The following IGSF22 variants were observed in gnomAD, a reference collection of about 807,000 sequenced individuals.
IGSF22 encodes the protein immunoglobulin superfamily, member 22.
Under a neutral mutation model 127.0 loss-of-function variants are expected in IGSF22, and 119 were observed. That is an observed-to-expected ratio of 0.94 (90% CI 0.81 to 1.09). The LOEUF is 1.09. Ranked by LOEUF, IGSF22 falls within the 50% of genes least tolerant of loss-of-function variation. The probability of loss-of-function intolerance (pLI) is 0.00; values close to 1 mark genes in which losing one functional copy is unlikely to be tolerated. For synonymous variants in IGSF22, 568 were observed against 664.7 expected (o/e 0.85, Z 2.24); for missense variants, 1,518 against 1,716.6 (o/e 0.88, Z 2.04).
At chr11:18,706,384 T>C (rs960266844) in intron 21 of IGSF22, among the ~76,000 whole-genome samples, 1 of 145,570 alleles carries the variant, frequency 6.9e-6, no homozygotes, top group Non-Finnish European at 1.5e-5. Context: ...AAACCACGCT[T>C]TCCCACACCC....
Position 18,712,184 on chromosome 11 carries a change from C to T in IGSF22, c.2296G>A (p.Val766Met). 1 of 1,551,752 alleles carries T rather than the reference C, an allele frequency of 6.4e-7. No homozygotes were observed. The highest frequency in any genetic ancestry group is 1.2e-5 in the South Asian group (1 of 84,064). ...GKVTNFSTNK[V>M]EEGKAYQFRI... The stretch of plus-strand genomic sequence containing the variant: ...AACTGGTAGGCTTTTCCCTCTTCCA[C>T]CTTGTTGGTGGAGAAGTTGGTGACT... The change falls in exon 15 of 23, where the codon GTG becomes ATG. Residue 766 changes from valine (V) to methionine (M), a missense_variant. Val to Met is a conservative substitution (Grantham distance 21). Transcript: ENST00000513874.
At chr11:18,707,432 A>G in intron 20 of IGSF22, 1 of 538,826 alleles carries the variant, frequency 1.9e-6, no homozygotes, top group Non-Finnish European at 3.2e-6. Flanking sequence ...TCAATTGCAA[A>G]ATAGAGCTGA....
intron 8 of IGSF22, 95 bp downstream of exon 8, chr11:18,718,520 G>A (rs1848503794): frequency 1.2e-6 from 1 of 812,670 alleles, no homozygotes; most frequent in Non-Finnish European, 2.2e-6. Flanking sequence ...TCCTCTTGAT[G>A]GGATGGAAGA....
At chr11:18,710,203 TG>T in intron 17 of IGSF22, 123 bp downstream of exon 17, 1 of 1,256,220 alleles carries the variant, frequency 8.0e-7, no homozygotes, top group Non-Finnish European at 1.1e-6. Flanking sequence ...TCTATGAGGC[TG>T]GCAGTTTCCA....
In IGSF22 at chr11:18,721,968, AG is replaced by A; in HGVS notation, c.182del (p.Pro61LeufsTer65). On this transcript the variant is annotated frameshift_variant, in exon 3 of 23. Transcript: ENST00000513874. LOFTEE classifies it high-confidence loss of function. ...FSLVTRSSNIPAGDSVPEFVE... is the reference protein window; with the variant it reads ...FSLVTRSSNIXAGDSVPEFVE... ...CGAACTCAGGGACGCTGTCGCCCGC[AG>A]GGATGTTTGAGCTCCGGGTCACTAA... The A allele has an allele frequency of 6.2e-7, 1 of 1,614,002 alleles. No individual in the cohort carries two copies. The highest frequency in any genetic ancestry group is 8.5e-7 in the Non-Finnish European group (1 of 1,180,032).
chr11:18,716,588 T>A lies in IGSF22; in HGVS notation c.1246+140A>T. ...AGACTAGGGGTTAACAGAGAGGAGA[T>A]CCCCCTGTCTTTCCAGTACCTACCA... On this transcript the variant is annotated intron_variant, in intron 10 of 22. Transcript: ENST00000513874. The surrounding 1 kb of genome is among the most constrained non-coding windows in gnomAD (Gnocchi z 4.5). 1.3e-6 allele frequency: 1 copy of A among 787,366 alleles called. No individual in the cohort carries two copies. The highest frequency in any genetic ancestry group is 2.0e-6 in the Non-Finnish European group (1 of 488,290). The allele number at this position is 787,366 out of a possible 1,614,324, so 48.8% of individuals were successfully genotyped here.
At chr11:18,719,221 C>T (rs772578948) in intron 7 of IGSF22, among the ~76,000 whole-genome samples, 12 of 152,130 alleles carry the variant, frequency 7.9e-5, no homozygotes, top group East Asian at 3.9e-4. Context: ...CTTGGCTCAC[C>T]GCAACCTCCA....
In IGSF22 at chr11:18,709,404, C is replaced by T. The variant is rs200170447; in HGVS notation, c.2981G>A (p.Arg994His). The change falls in exon 18 of 23, where the codon CGT (arginine) becomes CAT (histidine). Residue 994 changes from arginine (R) to histidine (H), a missense_variant. This residue lies in a region of IGSF22 where 1,456 missense variants were observed against 1,644.9 expected (regional missense o/e 0.89). Coordinates refer to ENST00000513874, the MANE Select transcript of IGSF22 (RefSeq NM_173588.4). This position sits in a 1 kb window ranked among gnomAD's most constrained non-coding sequence, Gnocchi z 4.8. ...GTCCTCACCTGGTGGTGGCATGGCA[C>T]GGACCCCCTTGTCTAGCTCCACAGG... ...GEPVELDKGV[R>H]AMPPPAAPKF... 122 of 1,613,814 alleles carry T rather than the reference C, an allele frequency of 7.6e-5. No individual in the cohort carries two copies. In the East Asian group the frequency reaches 1.6e-3, roughly 21 times the overall value.
At chr11:18,725,504 G>A (rs964740825) in intron 1 of IGSF22, among the ~76,000 whole-genome samples, 6 of 151,916 alleles carry the variant, frequency 3.9e-5, no homozygotes, top group African/African-American at 1.5e-4. Context: ...GCAGTGGCAC[G>A]ATCTTGGCCC....
In IGSF22 at chr11:18,712,819, C is replaced by A. The variant is rs150918696; in HGVS notation, c.2096-435G>T. Among the ~76,000 whole-genome samples the A allele has an allele frequency of 1.5e-3, 235 of 152,318 alleles. 1 individual carries two copies. The highest frequency in any genetic ancestry group is 5.6e-3 in the African/African-American group (232 of 41,568). On this transcript the variant is annotated intron_variant, in intron 14 of 22. Coordinates refer to ENST00000513874, the MANE Select transcript of IGSF22 (RefSeq NM_173588.4). Reference sequence around the variant, plus strand: ...TGTACACAGCAGTGAGAACACAGAGCAGGTGCTCAGTCTTGCTGCTGAATT... The same window carrying A: ...TGTACACAGCAGTGAGAACACAGAGAAGGTGCTCAGTCTTGCTGCTGAATT...
At position 18,713,921 on chromosome 11, in the gene IGSF22, C is replaced by T. The variant is rs371971697; in HGVS notation, c.2026G>A (p.Gly676Ser). ...TTCTTGAGCTTGAGCAGGATGAGGC[C>T]GCTGTCTTCACGCACACAGTTGGAG... ...TISNCVREDS[G>S]LILLKLKNDH... Residue 676 changes from glycine to serine, a missense_variant, in exon 14 of 23, where the codon GGC becomes AGC. Gly to Ser is a moderately conservative substitution (Grantham distance 56). Coordinates refer to ENST00000513874, the MANE Select transcript of IGSF22 (RefSeq NM_173588.4). 34 of 1,614,142 alleles carry T rather than the reference C, an allele frequency of 2.1e-5. No homozygotes were observed. The highest frequency in any genetic ancestry group is 1.6e-4 in the Middle Eastern group (1 of 6,084).
At position 18,714,523 on chromosome 11, in the gene IGSF22, C is replaced by G. The variant is rs778436288; in HGVS notation, c.1633G>C (p.Val545Leu). The part of the protein sequence containing the change: ...VVLNDEKVEG[V>L]WLKDGKEITD... Reference sequence around the variant, plus strand: ...ACCTCCTTGCCATCCTTCAGCCACACACCCTCCACCTTCTCGTCATTCAGC... The same window carrying G: ...ACCTCCTTGCCATCCTTCAGCCACAGACCCTCCACCTTCTCGTCATTCAGC... Residue 545 changes from valine (V) to leucine (L), a missense_variant, in exon 12 of 23, where the codon GTG becomes CTG. Coordinates refer to ENST00000513874, the MANE Select transcript of IGSF22 (RefSeq NM_173588.4). 2.1e-5 allele frequency: 34 copies of G among 1,614,106 alleles called. No individual in the cohort carries two copies. The Middle Eastern group carries it at 6.6e-4, about 31-fold the overall frequency.
intron 7 of IGSF22, among the ~76,000 whole-genome samples, 173 bp from the exon 8 acceptor site, chr11:18,718,901 A>C (rs528049769): frequency 1.3e-5 from 2 of 152,310 alleles, no homozygotes; most frequent in South Asian, 2.1e-4. Context: ...GGAGAGGAAC[A>C]TTACGGGGGA....
In IGSF22 at chr11:18,710,415, T is replaced by A. The variant is rs367725532; in HGVS notation, c.2613A>T (p.Glu871Asp). The A allele has an allele frequency of 3.1e-6, 5 of 1,614,088 alleles. No homozygotes were observed. In the Middle Eastern group the frequency reaches 6.6e-4, roughly 213 times the overall value. Residue 871 changes from glutamate (E) to aspartate (D), a missense_variant, in exon 17 of 23, where the codon GAA (glutamate) becomes GAT (aspartate). Glu to Asp is a conservative substitution (Grantham distance 45). Coordinates refer to ENST00000513874, the MANE Select transcript of IGSF22 (RefSeq NM_173588.4). ...CTVDGLLEDT[E>D]YEFRVIAVNK... ...TTACAGCTATAACTCGGAATTCATA[T>A]TCTGTGTCCTCCAGGAGACCATCCA...
Position 18,721,585 on chromosome 11 carries a change from C to A in IGSF22, c.328G>T (p.Glu110Ter), listed in dbSNP as rs1241253015. The part of the protein sequence containing the change: ...WKRESGIPIK[E>*]SAKIFYDSIN... ...CTGTCGTAGAATATCTTGGCGGACT[C>A]CTTGATGGGGATGCCGCTCTCCCTC... The change falls in exon 4 of 23, where the codon GAG becomes TAG. Residue 110 changes from glutamate (E) to a stop codon, truncating the protein, a stop_gained. Transcript: ENST00000513874. LOFTEE classifies it high-confidence loss of function. The A allele has an allele frequency of 6.2e-7, 1 of 1,614,264 alleles. No individual in the cohort carries two copies. Among genetic ancestry groups the A allele is most frequent in the Non-Finnish European group, 8.5e-7 (1 of 1,180,052 alleles).
chr11:18,706,066 G>C lies in IGSF22; in HGVS notation c.3661C>G (p.Pro1221Ala). ...HAPRFVTPLKPHTVLRGQDCT... is the reference protein window; with the variant it reads ...HAPRFVTPLKAHTVLRGQDCT... ...TCCTGGCCGCGGAGCACCGTGTGTG[G>C]CTTGAGGGGCGTCACGAAGCGCGGC... The change falls in exon 22 of 23, where the codon CCA (proline) becomes GCA (alanine). Residue 1221 changes from proline to alanine, a missense_variant. By Grantham distance (27) the Pro-to-Ala change is conservative. This residue lies in a region of IGSF22 where 1,456 missense variants were observed against 1,644.9 expected (regional missense o/e 0.89). Coordinates refer to ENST00000513874, the MANE Select transcript of IGSF22 (RefSeq NM_173588.4). 1 of 1,550,752 alleles carries C rather than the reference G, an allele frequency of 6.4e-7. No homozygotes were observed.
At chr11:18,704,798 G>C (rs34874178) in intron 22 of IGSF22, 14,832 of 413,122 alleles carry the variant, frequency 0.036, 367 homozygotes, top group Non-Finnish European at 0.049. Context: ...CAATGAGGTA[G>C]CTTACTAAGG....
Position 18,707,098 on chromosome 11 carries a change from G to C in IGSF22, c.3396C>G (p.Ile1132Met). 1 of 1,551,718 alleles carries C rather than the reference G, an allele frequency of 6.4e-7. No individual in the cohort carries two copies. Among genetic ancestry groups the C allele is most frequent in the South Asian group, 1.2e-5 (1 of 84,062 alleles). ...TGGCTGTGCTTGCATCCCGCTTCAT[G>C]ATGATGTAGTGAGCCTCACCGTCCT... ...VQEDGEAHYI[I>M]MKRDASTATW... Residue 1132 changes from isoleucine to methionine, a missense_variant, in exon 21 of 23, where the codon ATC becomes ATG. By Grantham distance (10) the Ile-to-Met change is conservative. This residue lies in a region of IGSF22 where 1,456 missense variants were observed against 1,644.9 expected (regional missense o/e 0.89). Coordinates refer to ENST00000513874, the MANE Select transcript of IGSF22 (RefSeq NM_173588.4).
rs1467027448 is a variant in IGSF22, at chr11:18,707,222, G to A, written c.3281-9C>T. 2 of 1,516,750 alleles carry A rather than the reference G, an allele frequency of 1.3e-6. No homozygotes were observed. The highest frequency in any genetic ancestry group is 1.3e-5 in the South Asian group (1 of 78,562). 94.0% of individuals were successfully genotyped at this position (1,516,750 alleles called of 1,614,324 possible). A position where few individuals can be genotyped will look rare whatever the true frequency, so the allele number is the denominator to read the frequency against. ...GGGGGGCCGAGGGAAATCTGGAAGA[G>A]TTGGAAGATCTGTCAGCGACCTTGG... On this transcript the variant is annotated splice_polypyrimidine_tract_variant and intron_variant, in intron 20 of 22. Transcript: ENST00000513874.
Sources: allele counts gnomAD v4.1 joint callset (sites outside exome capture counted in the v4.1 genomes callset), GRCh38; gene constraint gnomAD v4.1.1; regional missense constraint gnomAD v4.1.1; non-coding constraint Gnocchi (gnomAD v3.1); transcripts MANE v1.5; gene names NCBI Gene and HGNC (gene_info 2026-07-23, HGNC 2026-07-21).